Variants in MCPH1 observed in about 807,000 individuals in gnomAD.
MCPH1 encodes microcephalin.
Under a neutral mutation model 84.5 loss-of-function variants are expected in MCPH1, and 104 were observed. The observed-to-expected ratio is 1.23, with a 90% CI of 1.05 to 1.45. MCPH1 has a LOEUF of 1.45. MCPH1 is among the 40% of genes most tolerant of loss of function. MCPH1 has a pLI of 0.00. For synonymous variants in MCPH1, 514 were observed against 366.8 expected (o/e 1.40, Z -4.58); for missense variants, 1,498 against 1,005.7 (o/e 1.49, Z -6.62).
chr8:6,492,176 G>T (rs1381964894), intron 11 of MCPH1, among the ~76,000 whole-genome samples: 2 of 152,166 alleles, frequency 1.3e-5, no homozygotes, highest in African/African-American at 2.4e-5. Context: ...ATTCTAACTG[G>T]TGTGTGATGG....
At chr8:6,451,601 A>G (rs900810328) in intron 8 of MCPH1, among the ~76,000 whole-genome samples, 11 of 152,338 alleles carry the variant, frequency 7.2e-5, no homozygotes, top group Admixed American at 5.9e-4. Context: ...AGTGAACTTG[A>G]TATTTTAATA....
chr8:6,487,958 A>T (rs577448343), intron 11 of MCPH1, among the ~76,000 whole-genome samples: 1 of 152,364 alleles, frequency 6.6e-6, no homozygotes, highest in African/African-American at 2.4e-5. Context: ...CATCTCTGTC[A>T]AGGCATTGTT....
chr8:6,443,321 T>A (rs144553969), intron 7 of MCPH1, among the ~76,000 whole-genome samples: 1 of 151,646 alleles, frequency 6.6e-6, no homozygotes, highest in Non-Finnish European at 1.5e-5. Context: ...TAAAACAATT[T>A]TAGGTGCTGA....
At chr8:6,476,963 A>G (rs1335258073) in intron 9 of MCPH1, among the ~76,000 whole-genome samples, 1 of 152,172 alleles carries the variant, frequency 6.6e-6, no homozygotes, top group Non-Finnish European at 1.5e-5. Context: ...ATTACAGGAA[A>G]ATTTGTGTTT....
chr8:6,531,090 G>T (rs1397172384), intron 12 of MCPH1, among the ~76,000 whole-genome samples: 3 of 152,158 alleles, frequency 2.0e-5, no homozygotes, highest in Non-Finnish European at 4.4e-5. Context: ...CAGAAAGCGG[G>T]CTTGGCCGCC....
At chr8:6,488,543 A>AT (rs1453159917) in intron 11 of MCPH1, among the ~76,000 whole-genome samples, 14 of 152,164 alleles carry the variant, frequency 9.2e-5, no homozygotes, top group African/African-American at 3.1e-4. Flanking sequence ...TTACATTAAT[A>AT]TTTTTTAATT....
At chr8:6,585,656 G>A (rs1827917305) in intron 12 of MCPH1, among the ~76,000 whole-genome samples, 1 of 152,198 alleles carries the variant, frequency 6.6e-6, no homozygotes. Context: ...ATTTTGGCTG[G>A]ATTCCCATAC....
chr8:6,581,088 C>G (rs2515523), intron 12 of MCPH1, among the ~76,000 whole-genome samples: 1 of 151,988 alleles, frequency 6.6e-6, no homozygotes, highest in African/African-American at 2.4e-5. Context: ...GAAGATGTGC[C>G]TAGGTTATAT....
At chr8:6,536,914 T>C (rs939767611) in intron 12 of MCPH1, among the ~76,000 whole-genome samples, 28 of 139,246 alleles carry the variant, frequency 2.0e-4, no homozygotes, top group African/African-American at 6.8e-4. Context: ...CCCAGAAATA[T>C]AGAAACCTGC....
intron 12 of MCPH1, among the ~76,000 whole-genome samples, chr8:6,571,734 T>C (rs1277381794): frequency 1.3e-5 from 2 of 152,180 alleles, no homozygotes; most frequent in African/African-American, 4.8e-5. Flanking sequence ...ATGACCTCCT[T>C]TTGGTATCCC....
chr8:6,410,803 A>G (rs1299538188), intron 2 of MCPH1, among the ~76,000 whole-genome samples: 1 of 152,214 alleles, frequency 6.6e-6, no homozygotes, highest in Non-Finnish European at 1.5e-5. Flanking sequence ...CTGCACAAGC[A>G]TAGTTGGGAT....
chr8:6,526,861 G>A (rs1437860356), intron 12 of MCPH1, among the ~76,000 whole-genome samples: 4 of 152,104 alleles, frequency 2.6e-5, no homozygotes, highest in Non-Finnish European at 5.9e-5. Flanking sequence ...TATGAAAACA[G>A]TCCCCACCTA....
chr8:6,477,869 G>A (rs559610706), intron 10 of MCPH1, among the ~76,000 whole-genome samples: 1 of 152,226 alleles, frequency 6.6e-6, no homozygotes, highest in Non-Finnish European at 1.5e-5. Flanking sequence ...TCGTTTTGGT[G>A]TTCTTTTGCT....
At chr8:6,551,279 G>A (rs368510178) in intron 12 of MCPH1, among the ~76,000 whole-genome samples, 4 of 151,988 alleles carry the variant, frequency 2.6e-5, no homozygotes, top group Non-Finnish European at 5.9e-5. Flanking sequence ...TAGTGGTAGC[G>A]GTATTTAGGG....
intron 9 of MCPH1, among the ~76,000 whole-genome samples, chr8:6,465,372 C>T (rs1225063496): frequency 6.6e-6 from 1 of 152,206 alleles, no homozygotes; most frequent in African/African-American, 2.4e-5. Flanking sequence ...CGCCAAGTGA[C>T]CCTGCCACTG....
rs756434284 is a variant in MCPH1 at position 6,499,871 on chromosome 8, TG to T, written c.2159del (p.Gly720ValfsTer59). 3 of 1,613,404 alleles carry T rather than the reference TG, an allele frequency of 1.9e-6. No individual in the cohort carries two copies. The South Asian group carries it at 3.3e-5, about 18-fold the overall frequency. On this transcript the variant is annotated frameshift_variant, in exon 12 of 14. Transcript: ENST00000344683. LOFTEE classifies it high-confidence loss of function. ...SYDWVLWSLE[L>X]GHWISEEPFE... is the part of the protein sequence containing the mutation. ...TTGCAGGTGCTATGGTCTTTAGAAT[TG>T]GGTCACTGGATTTCTGAGGAGCCGT...
chr8:6,481,876 G>A (rs1169232324), intron 11 of MCPH1, among the ~76,000 whole-genome samples: 1 of 152,190 alleles, frequency 6.6e-6, no homozygotes, highest in Admixed American at 6.5e-5. Context: ...TTTGTTTTGT[G>A]TAGTTTCAGG....
chr8:6,641,929 C>T (rs1034723434), intron 13 of MCPH1, among the ~76,000 whole-genome samples: 5 of 152,096 alleles, frequency 3.3e-5, no homozygotes, highest in African/African-American at 4.8e-5. Context: ...ATCTGAGGGT[C>T]CCTCACTGAC....
At chr8:6,606,560 G>T (rs1829789201) in intron 12 of MCPH1, among the ~76,000 whole-genome samples, 1 of 152,256 alleles carries the variant, frequency 6.6e-6, no homozygotes, top group Non-Finnish European at 1.5e-5. Flanking sequence ...TCAGGAGGAT[G>T]TGCTGCTTCC....
Sources: allele counts gnomAD v4.1 joint callset (sites outside exome capture counted in the v4.1 genomes callset), GRCh38; gene constraint gnomAD v4.1.1; transcripts MANE v1.5; gene names NCBI Gene and HGNC (gene_info 2026-07-23, HGNC 2026-07-21).